The following SLCO4C1 variants were observed in gnomAD, a reference collection of about 807,000 sequenced individuals.
SLCO4C1 encodes solute carrier organic anion transporter family member 4C1, also known as organic anion transporter M1.
SLCO4C1 carries 58 observed loss-of-function variants against 72.1 expected under a neutral mutation model. The observed-to-expected ratio is 0.80, with a 90% CI of 0.65 to 1.00. The LOEUF is 1.00. Among genes scored for constraint, SLCO4C1 ranks in the 50% least tolerant of loss-of-function variants. SLCO4C1 has a pLI of 0.00. For missense variants in SLCO4C1, 898 were observed against 857.9 expected (o/e 1.05, Z -0.58); for synonymous variants, 297 against 312.5 (o/e 0.95, Z 0.52).
At chr5:102,275,145 A>T in intron 2 of SLCO4C1, among the ~76,000 whole-genome samples, 1 of 148,600 alleles carries the variant, frequency 6.7e-6, no homozygotes, top group East Asian at 2.0e-4. Context: ...AAAGAAAAGA[A>T]ATGATGAAGG....
At chr5:102,247,507 G>T in intron 9 of SLCO4C1, 65 bp from the exon 10 acceptor site, 1 of 1,119,936 alleles carries the variant, frequency 8.9e-7, no homozygotes. Flanking sequence ...TGTAAATTAG[G>T]TATTCTCTAG....
chr5:102,236,887 C>T lies in SLCO4C1; in HGVS notation c.2146G>A (p.Asp716Asn). The T allele has an allele frequency of 1.2e-6, 2 of 1,612,714 alleles. No individual in the cohort carries two copies. The highest frequency in any genetic ancestry group is 1.7e-6 in the Non-Finnish European group (2 of 1,179,624). Residue 716 changes from aspartate (D) to asparagine (N), a missense_variant, in exon 13 of 13, where the codon GAT (aspartate) becomes AAT (asparagine). Transcript: ENST00000310954. ...CCTTCTTTTACTATTTTGTTGAGAT[C>T]CTGTTCTGCTAAAACATTAGTCACA... ...AVVTNVLAEQ[D>N]LNKIVKEG
chr5:102,264,911 T>C (rs546562811), intron 3 of SLCO4C1, among the ~76,000 whole-genome samples: 1 of 152,226 alleles, frequency 6.6e-6, no homozygotes, highest in African/African-American at 2.4e-5. Context: ...TTGTTTCATT[T>C]AACAGGATGT....
At chr5:102,278,584 C>T (rs1282489991) in intron 2 of SLCO4C1, among the ~76,000 whole-genome samples, 5 of 152,204 alleles carry the variant, frequency 3.3e-5, no homozygotes, top group East Asian at 1.9e-4. Context: ...TCACATCCTG[C>T]GCCATAGAGT....
chr5:102,249,659 T>G lies in SLCO4C1; in HGVS notation c.1599A>C (p.Pro533=), dbSNP rs745916767. ...FSPCFAGCSN[P]VAHRKPKVYY... is the part of the protein sequence containing the mutation. ...CTACCTTTGGCTTCCTGTGTGCAACTGGGTTTGAACAGCCTGCAAAGCAGG... is the reference window on the plus strand; with the variant it reads ...CTACCTTTGGCTTCCTGTGTGCAACGGGGTTTGAACAGCCTGCAAAGCAGG... Residue 533 remains proline (P), a synonymous_variant, in exon 9 of 13, where the codon CCA becomes CCC. Coordinates refer to ENST00000310954, the MANE Select transcript of SLCO4C1 (RefSeq NM_180991.5). The G allele has an allele frequency of 6.2e-7, 1 of 1,613,676 alleles. No homozygotes were observed. Among genetic ancestry groups the G allele is most frequent in the Non-Finnish European group, 8.5e-7 (1 of 1,179,856 alleles).
In SLCO4C1 at chr5:102,245,477, T is replaced by G. The variant is rs182010691; in HGVS notation, c.1811+1775A>C. On this transcript the variant is annotated intron_variant, in intron 10 of 12. Transcript: ENST00000310954. ...ACTATATAATGATCAAGGGGTGAATTCAGCAAGAGGATATAACAATTTTAA... is the reference window on the plus strand; with the variant it reads ...ACTATATAATGATCAAGGGGTGAATGCAGCAAGAGGATATAACAATTTTAA... 1.8e-3 allele frequency among the ~76,000 whole-genome samples: 270 copies of G among 152,202 alleles called. 2 individuals are homozygous for G. The highest frequency in any genetic ancestry group is 2.7e-3 in the Non-Finnish European group (184 of 67,984).
chr5:102,264,805 C>A (rs1435452483), intron 3 of SLCO4C1, among the ~76,000 whole-genome samples: 1 of 150,366 alleles, frequency 6.7e-6, no homozygotes, highest in African/African-American at 2.5e-5. Context: ...CCTTTAATAA[C>A]CGTAATTCTA....
At chr5:102,240,919 A>G in intron 10 of SLCO4C1, 137 bp from the exon 11 acceptor site, 1 of 547,994 alleles carries the variant, frequency 1.8e-6, no homozygotes, top group East Asian at 3.0e-5. Context: ...CATTTGTAAG[A>G]GCTTATAAAT....
intron 2 of SLCO4C1, among the ~76,000 whole-genome samples, chr5:102,285,792 C>T (rs962789994): frequency 2.6e-5 from 4 of 152,038 alleles, no homozygotes; most frequent in Non-Finnish European, 5.9e-5. Flanking sequence ...CTTATTACTC[C>T]TTTATTCATT....
chr5:102,274,002 C>T lies in SLCO4C1; in HGVS notation c.620-3196G>A, dbSNP rs147439834. On this transcript the variant is annotated intron_variant, in intron 2 of 12. Coordinates refer to ENST00000310954, the MANE Select transcript of SLCO4C1 (RefSeq NM_180991.5). ...TTCAGGGAAGAAAAATAACAATACACCAATAAAAGAAATATAAATAAAAAT... is the reference window on the plus strand; with the variant it reads ...TTCAGGGAAGAAAAATAACAATACATCAATAAAAGAAATATAAATAAAAAT... Among the ~76,000 whole-genome samples the T allele has an allele frequency of 4.4e-3, 676 of 151,960 alleles. 12 individuals carry two copies. The highest frequency in any genetic ancestry group is 0.016 in the African/African-American group (648 of 41,480).
chr5:102,280,110 AAAAAAAG>A, intron 2 of SLCO4C1, among the ~76,000 whole-genome samples: 1 of 145,136 alleles, frequency 6.9e-6, no homozygotes, highest in African/African-American at 2.6e-5. Context: ...AAAAAAAAAA[AAAAAAAG>A]AGAAAGAAAA....
chr5:102,266,760 G>C (rs1460939360), intron 3 of SLCO4C1, among the ~76,000 whole-genome samples: 1 of 152,082 alleles, frequency 6.6e-6, no homozygotes. Context: ...CGTTAGCTGT[G>C]GGTTTTCCAT....
At chr5:102,243,230 A>C (rs982895290) in intron 10 of SLCO4C1, among the ~76,000 whole-genome samples, 2 of 152,104 alleles carry the variant, frequency 1.3e-5, no homozygotes, top group East Asian at 3.9e-4. Context: ...CTAGTCCCTG[A>C]CTTCTGGGTG....
intron 3 of SLCO4C1, among the ~76,000 whole-genome samples, chr5:102,264,452 G>C (rs577752379): frequency 6.6e-6 from 1 of 151,954 alleles, no homozygotes; most frequent in African/African-American, 2.4e-5. Flanking sequence ...GTATTTTGGG[G>C]AGTCAGTTGA....
chr5:102,255,335 A>G (rs1431649706), intron 8 of SLCO4C1, among the ~76,000 whole-genome samples: 1 of 152,176 alleles, frequency 6.6e-6, no homozygotes, highest in African/African-American at 2.4e-5. Context: ...AAGGTAGACA[A>G]TATTAAATGG....
At chr5:102,267,800 T>A (rs13356480) in intron 3 of SLCO4C1, among the ~76,000 whole-genome samples, 29,536 of 151,840 alleles carry the variant, frequency 0.19, 3,713 homozygotes, top group Non-Finnish European at 0.25. Flanking sequence ...AAGATTTGGT[T>A]TATTGTATTT....
Position 102,236,741 on chromosome 5 carries a change from C to T in SLCO4C1, c.*117G>A. On this transcript the variant is annotated 3_prime_UTR_variant, in exon 13 of 13. Transcript: ENST00000310954. ...AAAAAAATACATTTGATTATAAAAA[C>T]ATCAATTTTGTAAATATGATTGTCC... 1 of 1,134,726 alleles carries T rather than the reference C, an allele frequency of 8.8e-7. No homozygotes were observed. Among genetic ancestry groups the T allele is most frequent in the Middle Eastern group, 2.0e-4 (1 of 4,986 alleles). 70.3% of individuals were successfully genotyped at this position (1,134,726 alleles called of 1,614,324 possible).
At chr5:102,254,749 A>T (rs993595456) in intron 8 of SLCO4C1, among the ~76,000 whole-genome samples, 6 of 152,228 alleles carry the variant, frequency 3.9e-5, no homozygotes, top group Non-Finnish European at 8.8e-5. Flanking sequence ...TTCTAGAAAT[A>T]AGGTTATTGT....
chr5:102,236,619 T>C lies in SLCO4C1; in HGVS notation c.*239A>G, dbSNP rs964344480. 9.9e-6 allele frequency: 4 copies of C among 404,748 alleles called. No homozygotes were observed. Among genetic ancestry groups the C allele is most frequent in the Non-Finnish European group, 1.8e-5 (4 of 224,646 alleles). The allele number at this position is 404,748 out of a possible 1,614,324, so 25.1% of individuals were successfully genotyped here. ...GTGTGTGTGTTCGTGTGTGTGTGTGTGTGTGTGCTCGTGTGTGTGTGTGCT... is the reference window on the plus strand; with the variant it reads ...GTGTGTGTGTTCGTGTGTGTGTGTGCGTGTGTGCTCGTGTGTGTGTGTGCT... On this transcript the variant is annotated 3_prime_UTR_variant, in exon 13 of 13. Coordinates refer to ENST00000310954, the MANE Select transcript of SLCO4C1 (RefSeq NM_180991.5).
Sources: allele counts gnomAD v4.1 joint callset (sites outside exome capture counted in the v4.1 genomes callset), GRCh38; gene constraint gnomAD v4.1.1; transcripts MANE v1.5; gene names NCBI Gene and HGNC (gene_info 2026-07-23, HGNC 2026-07-21).